MEMO1: variants seen among roughly 807,000 people sequenced by gnomAD.
The protein encoded by MEMO1 is protein MEMO1.
A neutral mutation model predicts 45.2 loss-of-function variants in MEMO1; 6 were observed. The observed-to-expected ratio is 0.13, with a 90% CI of 0.07 to 0.26. The LOEUF (loss-of-function observed/expected upper bound fraction) is 0.26, where lower values mean the gene tolerates loss of function less well. Among genes scored for constraint, MEMO1 ranks in the 10% least tolerant of loss-of-function variants. The pLI, the probability that MEMO1 is intolerant of heterozygous loss-of-function variation, is 1.00. For synonymous variants in MEMO1, 78 were observed against 124.3 expected, an observed-to-expected ratio of 0.63 and a Z score of 2.48; for missense variants, 184 against 370.5, an observed-to-expected ratio of 0.50 and a Z score of 4.13.
chr2:31,909,015 C>T (rs1680187818), intron 6 of MEMO1, among the ~76,000 whole-genome samples: 1 of 152,198 alleles, frequency 6.6e-6, no homozygotes, highest in Non-Finnish European at 1.5e-5. Flanking sequence ...AACAGGGCAC[C>T]TGTGTAATAA....
intron 8 of MEMO1, among the ~76,000 whole-genome samples, chr2:31,877,869 C>T (rs958948664): frequency 6.6e-6 from 1 of 152,122 alleles, no homozygotes; most frequent in East Asian, 1.9e-4. Context: ...TTTTAAACTG[C>T]GTACAGGAAG....
chr2:32,001,396 T>G (rs549238685), intron 2 of MEMO1, among the ~76,000 whole-genome samples: 1 of 152,214 alleles, frequency 6.6e-6, no homozygotes, highest in South Asian at 2.1e-4. Flanking sequence ...CTAATTAAAA[T>G]ATACCAATTA....
intron 2 of MEMO1, among the ~76,000 whole-genome samples, chr2:31,986,104 A>G (rs994327583): frequency 4.8e-4 from 73 of 152,082 alleles, no homozygotes; most frequent in African/African-American, 1.6e-3. Flanking sequence ...AAATTTAAAT[A>G]TAACTGTTGG....
chr2:31,974,309 G>GA (rs1206963443), intron 2 of MEMO1, among the ~76,000 whole-genome samples: 2 of 152,036 alleles, frequency 1.3e-5, no homozygotes, highest in Admixed American at 1.3e-4. Context: ...ATACTGGTTG[G>GA]AAAATCACAT....
At chr2:31,916,907 C>G (rs1271471672) in intron 6 of MEMO1, among the ~76,000 whole-genome samples, 1 of 152,014 alleles carries the variant, frequency 6.6e-6, no homozygotes. Context: ...AAAAACTAAA[C>G]AGCAATAATT....
chr2:31,873,527 T>G (rs1376505671), intron 8 of MEMO1, among the ~76,000 whole-genome samples: 1 of 152,082 alleles, frequency 6.6e-6, no homozygotes. Flanking sequence ...GACAACAAAT[T>G]ATCTTCCCTC....
intron 2 of MEMO1, among the ~76,000 whole-genome samples, chr2:32,008,554 A>T (rs1674390599): frequency 6.6e-6 from 1 of 152,186 alleles, no homozygotes; most frequent in Non-Finnish European, 1.5e-5. Context: ...ATTGCACTCC[A>T]GCCTGGGCGA....
intron 3 of MEMO1, among the ~76,000 whole-genome samples, chr2:31,934,991 A>AATG (rs1306627470): frequency 1.3e-5 from 2 of 152,180 alleles, no homozygotes; most frequent in East Asian, 3.8e-4. Context: ...TGAAAAGGAT[A>AATG]ATGATAATAA....
At chr2:31,869,311 A>C (rs1478466342) in intron 9 of MEMO1, among the ~76,000 whole-genome samples, 1 of 152,084 alleles carries the variant, frequency 6.6e-6, no homozygotes, top group Non-Finnish European at 1.5e-5. Flanking sequence ...AGTTTTCCTA[A>C]TTAGAAGAAA....
chr2:31,880,840 G>T (rs1018378199), intron 8 of MEMO1, among the ~76,000 whole-genome samples: 4 of 151,976 alleles, frequency 2.6e-5, no homozygotes, highest in African/African-American at 9.7e-5. Context: ...ACAACATGGC[G>T]AAACCCCATC....
intron 7 of MEMO1, among the ~76,000 whole-genome samples, chr2:31,890,874 T>A (rs1676870776): frequency 6.6e-6 from 1 of 152,144 alleles, no homozygotes; most frequent in African/African-American, 2.4e-5. Context: ...TCAGGAATTA[T>A]CAAATGCCCC....
chr2:31,894,134 T>A (rs1031419731), intron 6 of MEMO1, among the ~76,000 whole-genome samples: 2 of 152,076 alleles, frequency 1.3e-5, no homozygotes, highest in Admixed American at 6.5e-5. Flanking sequence ...AAAACAACCA[T>A]CTTTGTGTTA....
At chr2:31,906,035 G>T (rs548203111) in intron 6 of MEMO1, among the ~76,000 whole-genome samples, 4 of 151,232 alleles carry the variant, frequency 2.6e-5, no homozygotes, top group Non-Finnish European at 4.4e-5. Flanking sequence ...GTGCAATGGC[G>T]CAATCTCGGG....
chr2:31,906,536 G>C (rs1005932914), intron 6 of MEMO1, among the ~76,000 whole-genome samples: 1 of 150,496 alleles, frequency 6.6e-6, no homozygotes, highest in South Asian at 2.1e-4. Context: ...TGTTGGCCAG[G>C]ATGGTCTTGA....
chr2:31,918,147 C>A, intron 5 of MEMO1, 110 bp from the exon 6 acceptor site: 1 of 548,618 alleles, frequency 1.8e-6, no homozygotes, highest in South Asian at 4.0e-5. Context: ...GAGACAGAAA[C>A]ACCATATAAT....
intron 2 of MEMO1, among the ~76,000 whole-genome samples, chr2:31,988,333 G>A (rs1471188431): frequency 2.6e-5 from 4 of 152,010 alleles, no homozygotes; most frequent in African/African-American, 4.8e-5. Flanking sequence ...GATCACTTGA[G>A]GTCAGGAGTT....
chr2:31,934,019 C>T (rs1250165501), intron 3 of MEMO1, among the ~76,000 whole-genome samples: 3 of 152,204 alleles, frequency 2.0e-5, no homozygotes. Flanking sequence ...TTGATCTTAA[C>T]TAGTTCTCTT....
At chr2:31,973,100 G>A (rs1290247053) in intron 2 of MEMO1, among the ~76,000 whole-genome samples, 1 of 152,134 alleles carries the variant, frequency 6.6e-6, no homozygotes, top group Non-Finnish European at 1.5e-5. Context: ...AGTTCCTAAA[G>A]ATGTTGAACA....
chr2:31,868,531 T>A, intron 9 of MEMO1, 39 bp from the exon 10 acceptor site: 4 of 1,541,234 alleles, frequency 2.6e-6, no homozygotes, highest in Non-Finnish European at 3.5e-6. Flanking sequence ...ACACATCACA[T>A]AAAAAACTGG....
Sources: allele counts gnomAD v4.1 joint callset (sites outside exome capture counted in the v4.1 genomes callset), GRCh38; gene constraint gnomAD v4.1.1; transcripts MANE v1.5; gene names NCBI Gene and HGNC (gene_info 2026-07-23, HGNC 2026-07-21).